The following CEP290 variants were observed in gnomAD, a reference collection of about 807,000 sequenced individuals.
CEP290 encodes the protein centrosomal protein 290.
Under a neutral mutation model 344.9 loss-of-function variants are expected in CEP290, and 317 were observed. The ratio of observed to expected loss-of-function variants is 0.92; its 90% CI spans 0.84 to 1.01. The LOEUF (loss-of-function observed/expected upper bound fraction) is 1.01. Among genes scored for constraint, CEP290 ranks in the 50% least tolerant of loss-of-function variants. The probability of loss-of-function intolerance (pLI) is 0.00; values close to 1 mark genes in which losing one functional copy is unlikely to be tolerated. For missense variants in CEP290, 2,754 were observed against 2,761.4 expected (o/e 1.00, Z 0.06); for synonymous variants, 932 against 895.8 (o/e 1.04, Z -0.72).
chr12:88,114,564 T>A lies in CEP290; in HGVS notation c.1910-2A>T. 6.5e-7 allele frequency: 1 copy of A among 1,536,024 alleles called. No homozygotes were observed. Among genetic ancestry groups the A allele is most frequent in the Non-Finnish European group, 8.8e-7 (1 of 1,140,084 alleles). ...TATTTTCTTCAACTAATTCTTTTAC[T>A]GTAATTACACAGTTTTCTCATTGGA... On this transcript the variant is annotated splice_acceptor_variant, in intron 19 of 53. Coordinates refer to ENST00000552810, the MANE Select transcript of CEP290 (RefSeq NM_025114.4). LOFTEE classifies it high-confidence loss of function.
chr12:88,059,064 C>A, intron 48 of CEP290, 44 bp from the exon 49 acceptor site: 2 of 1,455,722 alleles, frequency 1.4e-6, no homozygotes, highest in South Asian at 1.3e-5. Context: ...AAACATAATA[C>A]TGTTCTCATA....
At chr12:88,079,289 TATATG>T (rs1291106508) in intron 38 of CEP290, 60 bp from the exon 39 acceptor site, 1 of 1,281,682 alleles carries the variant, frequency 7.8e-7, no homozygotes, top group Non-Finnish European at 1.1e-6. Flanking sequence ...TTTATATGAA[TATATG>T]ATATAAAAAA....
Position 88,141,296 on chromosome 12 carries a change from A to T in CEP290, c.12T>A (p.Asn4Lys), listed in dbSNP as rs748657371. The change falls in exon 2 of 54, where the codon AAT becomes AAA. Residue 4 changes from asparagine (N) to lysine (K), a missense_variant. Asn to Lys is a moderately conservative substitution (Grantham distance 94). Transcript: ENST00000552810. ...CTTTCATTATTTCTTTCCAGTTTAT[A>T]TTAGGTGGCATCTTGAATTCTTTCA... The part of the protein sequence containing the change: MPP[N>K]INWKEIMKVD... 8.7e-6 allele frequency: 14 copies of T among 1,610,210 alleles called. No homozygotes were observed. Among genetic ancestry groups the T allele is most frequent in the Non-Finnish European group, 1.0e-5 (12 of 1,178,376 alleles).
intron 45 of CEP290, among the ~76,000 whole-genome samples, chr12:88,063,184 T>C (rs2034619771): frequency 6.8e-6 from 1 of 146,054 alleles, no homozygotes; most frequent in Non-Finnish European, 1.5e-5. Flanking sequence ...AAATGGCAGA[T>C]TAGTGCCCTG....
In CEP290 at chr12:88,093,926, G is replaced by A. The variant is rs2037238077; in HGVS notation, c.3153C>T (p.Asp1051=). ...DKAKKSITNS[D]IVSISKKITM... is the part of the protein sequence containing the mutation. Reference sequence around the variant, plus strand: ...TTATTTTTTTTGAAATGGAAACAATGTCACTGTTGGTTATTGATTTCTTTG... The same window carrying A: ...TTATTTTTTTTGAAATGGAAACAATATCACTGTTGGTTATTGATTTCTTTG... Residue 1051 remains aspartate (D), a synonymous_variant, in exon 28 of 54, where the codon GAC becomes GAT. Coordinates refer to ENST00000552810, the MANE Select transcript of CEP290 (RefSeq NM_025114.4). 1 of 1,612,170 alleles carries A rather than the reference G, an allele frequency of 6.2e-7. No individual in the cohort carries two copies.
chr12:88,093,553 C>A (rs139662870), intron 28 of CEP290: 59 of 455,100 alleles, frequency 1.3e-4, no homozygotes, highest in African/African-American at 1.0e-3. Context: ...TAAATTAAAT[C>A]TAATAATATA....
At chr12:88,119,989 G>T in intron 15 of CEP290, 125 bp downstream of exon 15, 529 of 491,936 alleles carry the variant, frequency 1.1e-3, no homozygotes, top group East Asian at 2.0e-3. Context: ...TGTATTAAAT[G>T]TTTTATAAAA....
intron 49 of CEP290, among the ~76,000 whole-genome samples, chr12:88,057,545 A>G (rs2034111323): frequency 6.6e-6 from 1 of 152,110 alleles, no homozygotes; most frequent in African/African-American, 2.4e-5. Context: ...ATATCATCAC[A>G]TTTGTTATTT....
rs1381355659 is a variant in CEP290 at position 88,120,147 on chromosome 12, G to T, written c.1489C>A (p.Leu497Ile). The T allele has an allele frequency of 1.9e-6, 3 of 1,543,148 alleles. No individual in the cohort carries two copies. The highest frequency in any genetic ancestry group is 2.6e-6 in the Non-Finnish European group (3 of 1,142,828). Residue 497 changes from leucine to isoleucine, a missense_variant, in exon 15 of 54, where the codon CTT becomes ATT. Physicochemically the swap from Leu to Ile is conservative, Grantham distance 5. Transcript: ENST00000552810. ...NKLELKISDF[L>I]DENEALRERV... ...TCTCTAAGTGCCTCATTTTCATCAA[G>T]GAAATCACTGATCTTCAATTCAAGT...
At chr12:88,076,730 A>C (rs1394814456) in intron 41 of CEP290, among the ~76,000 whole-genome samples, 1 of 152,088 alleles carries the variant, frequency 6.6e-6, no homozygotes, top group East Asian at 1.9e-4. Context: ...ACTGATTATT[A>C]CTGCAAATAC....
intron 26 of CEP290, among the ~76,000 whole-genome samples, chr12:88,098,771 C>G (rs1268563464): frequency 1.3e-5 from 2 of 151,734 alleles, no homozygotes; most frequent in Non-Finnish European, 1.5e-5. Context: ...ATTAGTAAAC[C>G]CAGATGCTCC....
At chr12:88,102,738 G>T in intron 26 of CEP290, 100 bp downstream of exon 26, 2 of 832,846 alleles carry the variant, frequency 2.4e-6, no homozygotes, top group South Asian at 1.8e-5. Context: ...TTATATAAAT[G>T]CAGGCAAACT....
In CEP290 at chr12:88,080,279, G is replaced by C; in HGVS notation, c.5129C>G (p.Ala1710Gly). The change falls in exon 38 of 54, where the codon GCT becomes GGT. Residue 1710 changes from alanine to glycine, a missense_variant. By Grantham distance (60) the Ala-to-Gly change is moderately conservative. Transcript: ENST00000552810. Reference sequence around the variant, plus strand: ...AGCTCTTGAATTTGCTTCTTTTTGAGCCTGAAGTTCAGATTTTAAACACTG... The same window carrying C: ...AGCTCTTGAATTTGCTTCTTTTTGACCCTGAAGTTCAGATTTTAAACACTG... Reference protein sequence around the residue: ...ESQCLKSELQAQKEANSRAPT... With the variant: ...ESQCLKSELQGQKEANSRAPT... The C allele has an allele frequency of 1.2e-6, 2 of 1,613,410 alleles. No individual in the cohort carries two copies. The highest frequency in any genetic ancestry group is 2.2e-5 in the South Asian group (2 of 91,066).
At chr12:88,111,151 T>C in intron 22 of CEP290, 51 bp downstream of exon 22, 2 of 1,059,228 alleles carry the variant, frequency 1.9e-6, no homozygotes, top group Non-Finnish European at 2.5e-6. Context: ...ACCAATGATT[T>C]TTGTTATTCA....
intron 6 of CEP290, among the ~76,000 whole-genome samples, chr12:88,132,251 A>C (rs1370878984): frequency 6.6e-6 from 1 of 152,090 alleles, no homozygotes; most frequent in Non-Finnish European, 1.5e-5. Context: ...TCCTCTTATG[A>C]CCTTTCATTT....
Position 88,087,832 on chromosome 12 carries a change from T to C in CEP290, c.4142A>G (p.Glu1381Gly). The change falls in exon 32 of 54, where the codon GAA becomes GGA. Residue 1381 changes from glutamate (E) to glycine (G), a missense_variant. Physicochemically the swap from Glu to Gly is moderately conservative, Grantham distance 98. Transcript: ENST00000552810. Reference sequence around the variant, plus strand: ...AAGACTGCTGATTGTACGTTCATATTCAGAAATTATGTTATTCAAATATTT... The same window carrying C: ...AAGACTGCTGATTGTACGTTCATATCCAGAAATTATGTTATTCAAATATTT... ...EIKYLNNIIS[E>G]YERTISSLEE... The C allele has an allele frequency of 7.7e-7, 1 of 1,290,982 alleles. No individual in the cohort carries two copies. Among genetic ancestry groups the C allele is most frequent in the Non-Finnish European group, 1.0e-6 (1 of 1,002,040 alleles). The allele number at this position is 1,290,982 out of a possible 1,614,324, so 80.0% of individuals were successfully genotyped here. A position where few individuals can be genotyped will look rare whatever the true frequency, so the allele number is the denominator to read the frequency against.
chr12:88,125,868 T>C (rs1271653971), intron 12 of CEP290, among the ~76,000 whole-genome samples: 1 of 152,052 alleles, frequency 6.6e-6, no homozygotes, highest in African/African-American at 2.4e-5. Context: ...ATTACTTCCT[T>C]TTATTTGGGT....
chr12:88,123,045 A>G (rs1387602857), intron 13 of CEP290, among the ~76,000 whole-genome samples: 1 of 152,062 alleles, frequency 6.6e-6, no homozygotes, highest in African/African-American at 2.4e-5. Context: ...ACCTACATCG[A>G]TATCTATACA....
chr12:88,060,184 G>A (rs574327785), intron 47 of CEP290, among the ~76,000 whole-genome samples, 164 bp from the exon 48 acceptor site: 70 of 152,304 alleles, frequency 4.6e-4, no homozygotes, highest in Admixed American at 1.1e-3. Context: ...AGTTCCCAAC[G>A]TTGGCTACAT....
Sources: allele counts gnomAD v4.1 joint callset (sites outside exome capture counted in the v4.1 genomes callset), GRCh38; gene constraint gnomAD v4.1.1; transcripts MANE v1.5; gene names NCBI Gene and HGNC (gene_info 2026-07-23, HGNC 2026-07-21).